The following CEP63 variants were observed in gnomAD, a reference collection of about 807,000 sequenced individuals.
The protein encoded by CEP63 is centrosomal protein of 63 kDa.
A neutral mutation model predicts 89.1 loss-of-function variants in CEP63; 84 were observed. The observed-to-expected ratio is 0.94, with a 90% confidence interval of 0.79 to 1.13. CEP63 has a LOEUF of 1.13. Among genes scored for constraint, CEP63 ranks in the 50% most tolerant of loss-of-function variants. CEP63 has a pLI of 0.00. For synonymous variants in CEP63, 267 were observed against 272.5 expected, an observed-to-expected ratio of 0.98 and a Z score of 0.20; for missense variants, 838 against 813.3, an observed-to-expected ratio of 1.03 and a Z score of -0.37.
chr3:134,701,663 G>A, the CEP63 span, among the ~76,000 whole-genome samples: 8 of 151,844 alleles, frequency 5.3e-5, no homozygotes, highest in East Asian at 1.2e-3. Context: ...TTGAAAAATG[G>A]CACAAGACAA....
chr3:134,696,514 T>C, the CEP63 span, among the ~76,000 whole-genome samples: 2 of 152,186 alleles, frequency 1.3e-5, no homozygotes, highest in Non-Finnish European at 2.9e-5. Flanking sequence ...ATCATGTTTT[T>C]AAACAATAAC....
At position 134,561,832 on chromosome 3, in the gene CEP63, T is replaced by C; in HGVS notation, c.*297T>C. The stretch of plus-strand genomic sequence containing the variant: ...CTTACCTTGCTGACTTAAATGTGAA[T>C]AGCTATGTACTAATTGAAATAAGGA... On this transcript the variant is annotated 3_prime_UTR_variant, in exon 15 of 15. Coordinates refer to ENST00000675561, the MANE Select transcript of CEP63 (RefSeq NM_001353108.3). The C allele has an allele frequency of 8.3e-7, 1 of 1,198,890 alleles. No individual in the cohort carries two copies. Among genetic ancestry groups the C allele is most frequent in the Non-Finnish European group, 1.0e-6 (1 of 956,508 alleles). The allele number at this position is 1,198,890 out of a possible 1,614,324, so 74.3% of individuals were successfully genotyped here.
chr3:134,549,978 CTTTTA>C (rs545473792), intron 10 of CEP63, 80 bp from the exon 11 acceptor site: 104 of 986,500 alleles, frequency 1.1e-4, no homozygotes, highest in Non-Finnish European at 1.5e-4. Context: ...ATAAGGTGAA[CTTTTA>C]TTTTATTAGC....
intron 1 of CEP63, among the ~76,000 whole-genome samples, chr3:134,490,105 G>T (rs1416987904): frequency 6.6e-6 from 1 of 152,068 alleles, no homozygotes; most frequent in African/African-American, 2.4e-5. Flanking sequence ...TTACCTAGGT[G>T]GGAGAGGTGT....
the CEP63 span, chr3:134,641,190 G>A: frequency 6.6e-6 from 1 of 152,212 alleles, no homozygotes; most frequent in Non-Finnish European, 1.5e-5. Flanking sequence ...TCTCAGTGAG[G>A]CCTTTCTCAC....
At chr3:134,540,625 T>C (rs948620688) in intron 6 of CEP63, among the ~76,000 whole-genome samples, 2 of 152,110 alleles carry the variant, frequency 1.3e-5, no homozygotes, top group Non-Finnish European at 2.9e-5. Context: ...TTGCCAATCT[T>C]ATAGGTGAAA....
At chr3:134,517,123 C>T (rs895821724) in intron 3 of CEP63, among the ~76,000 whole-genome samples, 2 of 152,136 alleles carry the variant, frequency 1.3e-5, no homozygotes, top group Admixed American at 6.5e-5. Flanking sequence ...TTAATATGCT[C>T]AATAGCACGT....
intron 6 of CEP63, among the ~76,000 whole-genome samples, chr3:134,537,542 C>G (rs936743940): frequency 6.6e-6 from 1 of 152,162 alleles, no homozygotes; most frequent in Admixed American, 6.5e-5. Context: ...TGCTCACCCA[C>G]TCTCTGTCAT....
At chr3:134,662,917 G>A in the CEP63 span, among the ~76,000 whole-genome samples, 1 of 152,286 alleles carries the variant, frequency 6.6e-6, no homozygotes, top group Non-Finnish European at 1.5e-5. Flanking sequence ...GGGTCCTACT[G>A]GAGGATTCCT....
intron 3 of CEP63, among the ~76,000 whole-genome samples, chr3:134,513,283 A>G (rs1207326389): frequency 6.6e-6 from 1 of 152,228 alleles, no homozygotes; most frequent in Non-Finnish European, 1.5e-5. Flanking sequence ...GATCTTGTAT[A>G]TCTGAAAATA....
intron 5 of CEP63, 31 bp from the exon 6 acceptor site, chr3:134,537,124 C>T: frequency 7.4e-7 from 1 of 1,355,574 alleles, no homozygotes; most frequent in Non-Finnish European, 1.1e-6. Context: ...GAGAAGCACT[C>T]AGAAATTAAG....
chr3:134,530,230 G>A (rs1034774789), intron 3 of CEP63, among the ~76,000 whole-genome samples: 1 of 152,178 alleles, frequency 6.6e-6, no homozygotes, highest in African/African-American at 2.4e-5. Context: ...TTCTGGAAAA[G>A]TCATGTGCTT....
chr3:134,545,760 G>T lies in CEP63; in HGVS notation c.730G>T (p.Val244Phe). The change falls in exon 7 of 15, where the codon GTC becomes TTC. Residue 244 changes from valine (V) to phenylalanine (F), a missense_variant. Transcript: ENST00000675561. ...TGACTTGGTTGGAACCAGTATGACT[G>T]TCCTACAGGAGCAGCAGCAAAAAGA... ...VNDLVGTSMT[V>F]LQEQQQKEEK... 1 of 1,613,982 alleles carries T rather than the reference G, an allele frequency of 6.2e-7. No homozygotes were observed. The highest frequency in any genetic ancestry group is 8.5e-7 in the Non-Finnish European group (1 of 1,179,984).
At chr3:134,537,956 A>G (rs184200512) in intron 6 of CEP63, among the ~76,000 whole-genome samples, 5 of 152,322 alleles carry the variant, frequency 3.3e-5, no homozygotes, top group African/African-American at 1.2e-4. Flanking sequence ...CAAAAAACAG[A>G]CACCTACTTT....
Position 134,537,236 on chromosome 3 carries a change from A to C in CEP63, c.523A>C (p.Lys175Gln). ...QQVSSLEAQRKALAEQSEIIQ... is the reference protein window; with the variant it reads ...QQVSSLEAQRQALAEQSEIIQ... ...GGTATCTTCACTGGAGGCACAAAGG[A>C]AGGCTCTGGCTGAACAATCAGAGAT... The change falls in exon 6 of 15, where the codon AAG (lysine) becomes CAG (glutamine). Residue 175 changes from lysine to glutamine, a missense_variant. Coordinates refer to ENST00000675561, the MANE Select transcript of CEP63 (RefSeq NM_001353108.3). The C allele has an allele frequency of 6.2e-7, 1 of 1,613,132 alleles. No individual in the cohort carries two copies. The highest frequency in any genetic ancestry group is 8.5e-7 in the Non-Finnish European group (1 of 1,179,086).
the CEP63 span, among the ~76,000 whole-genome samples, chr3:134,627,421 T>C: frequency 6.6e-6 from 1 of 152,230 alleles, no homozygotes; most frequent in African/African-American, 2.4e-5. Context: ...CTTATTCACA[T>C]GCCTCCTACC....
chr3:134,713,693 G>A, the CEP63 span, among the ~76,000 whole-genome samples: 1 of 152,184 alleles, frequency 6.6e-6, no homozygotes, highest in African/African-American at 2.4e-5. Context: ...CACACAGTCA[G>A]AGCCAGACAA....
chr3:134,551,807 G>GTATATATATATATAAATATGTATATGTA, intron 11 of CEP63, 119 bp from the exon 12 acceptor site: 1 of 310,190 alleles, frequency 3.2e-6, no homozygotes, highest in South Asian at 4.2e-5. Flanking sequence ...ATATGTATAT[G>GTATATATATATATAAATATGTATATGTA]TATATATATA....
chr3:134,699,118 A>G, the CEP63 span, among the ~76,000 whole-genome samples: 4 of 152,224 alleles, frequency 2.6e-5, no homozygotes, highest in Non-Finnish European at 5.9e-5. Flanking sequence ...CCAGAGCAGG[A>G]AATGTCTCAG....
Sources: gnomAD v4.1 joint callset for allele counts (sites outside exome capture counted in the v4.1 genomes callset) on GRCh38, gnomAD v4.1.1 for gene constraint, MANE v1.5 for transcripts, NCBI Gene and HGNC (gene_info 2026-07-23, HGNC 2026-07-21) for gene names.